Variants in FRMPD4 observed in about 807,000 individuals in gnomAD.
The protein encoded by FRMPD4 is FERM and PDZ domain containing 4.
A neutral mutation model predicts 94.1 loss-of-function variants in FRMPD4; 22 were observed. That is an observed-to-expected ratio of 0.23 (90% CI 0.17 to 0.33). The LOEUF (loss-of-function observed/expected upper bound fraction) is 0.33, where lower values mean the gene tolerates loss of function less well. Ranked by LOEUF, FRMPD4 falls within the 10% of genes least tolerant of loss-of-function variation. FRMPD4 has a pLI of 1.00. For missense variants in FRMPD4, 1,111 were observed against 1,339.9 expected, an observed-to-expected ratio of 0.83 and a Z score of 2.67; for synonymous variants, 631 against 548.6, an observed-to-expected ratio of 1.15 and a Z score of -2.10.
chrX:12,326,314 A>G (rs906906906), intron 1 of FRMPD4, among the ~76,000 whole-genome samples: 4 of 112,045 alleles, frequency 3.6e-5, no homozygotes, highest in African/African-American at 9.7e-5. Context: ...GAGAGACTCA[A>G]TGATGGGCCA....
At chrX:12,043,563 A>G (rs989339913) in intron 3 of FRMPD4, among the ~76,000 whole-genome samples, 2 of 111,552 alleles carry the variant, frequency 1.8e-5, no homozygotes, top group African/African-American at 6.5e-5. Flanking sequence ...TCTCTCATCC[A>G]GTGGTCCCCA....
At chrX:12,587,194 C>G (rs1233710751) in intron 2 of FRMPD4, among the ~76,000 whole-genome samples, 7 of 110,923 alleles carry the variant, frequency 6.3e-5, no homozygotes. Context: ...CCAGGCTGGT[C>G]TCGAACTCCT....
chrX:12,062,125 C>T (rs1473676611), intron 3 of FRMPD4, among the ~76,000 whole-genome samples: 1 of 111,892 alleles, frequency 8.9e-6, no homozygotes, highest in Non-Finnish European at 1.9e-5. Context: ...CCCTGAGCTC[C>T]ACTGTGATTC....
chrX:12,640,339 G>A (rs1247732597), intron 4 of FRMPD4, among the ~76,000 whole-genome samples: 1 of 105,667 alleles, frequency 9.5e-6, no homozygotes, highest in Non-Finnish European at 1.9e-5. Flanking sequence ...AAGGAGAGAA[G>A]GGGGAAGGAG....
At chrX:12,100,242 C>T (rs967100348) in intron 3 of FRMPD4, among the ~76,000 whole-genome samples, 3 of 111,945 alleles carry the variant, frequency 2.7e-5, no homozygotes, top group Admixed American at 9.5e-5. Context: ...CCTTTCTAGA[C>T]CCAACAAATT....
chrX:12,356,760 T>TA (rs2055901375), intron 1 of FRMPD4, among the ~76,000 whole-genome samples: 3 of 112,135 alleles, frequency 2.7e-5, no homozygotes, highest in African/African-American at 9.7e-5. Flanking sequence ...ATTGTGCTAT[T>TA]AAAAAAAGCA....
chrX:12,230,974 TA>T (rs1455604448), intron 1 of FRMPD4, among the ~76,000 whole-genome samples: 1 of 52,217 alleles, frequency 1.9e-5, no homozygotes, highest in African/African-American at 6.9e-5. Context: ...AAATATATAG[TA>T]ATATATATAG....
chrX:12,215,076 A>T (rs2056792865), intron 1 of FRMPD4, among the ~76,000 whole-genome samples: 1 of 112,146 alleles, frequency 8.9e-6, no homozygotes, highest in South Asian at 3.8e-4. Context: ...GTTGAACAAT[A>T]TAAAATTGTG....
At chrX:12,684,659 A>G (rs1372037567) in intron 6 of FRMPD4, among the ~76,000 whole-genome samples, 1 of 112,407 alleles carries the variant, frequency 8.9e-6, no homozygotes, top group Non-Finnish European at 1.9e-5. Context: ...AGACTGTCCC[A>G]GCTGAAGGGT....
At chrX:12,611,485 C>CA (rs10627740) in intron 3 of FRMPD4, among the ~76,000 whole-genome samples, 1 of 110,227 alleles carries the variant, frequency 9.1e-6, no homozygotes, top group Non-Finnish European at 1.9e-5. Context: ...AGAGTAGTAT[C>CA]TACCTTGTAG....
rs1383892539 is a variant in FRMPD4, at chrX:12,716,736, C to T, written c.2277C>T (p.Asp759=). The T allele has an allele frequency of 8.3e-7, 1 of 1,211,521 alleles. No individual in the cohort carries two copies. The highest frequency in any genetic ancestry group is 1.7e-5 in the African/African-American group (1 of 57,802). The change falls in exon 15 of 17, where the codon GAC becomes GAT. Residue 759 remains aspartate, a synonymous_variant. Coordinates refer to ENST00000675598, the MANE Select transcript of FRMPD4 (RefSeq NM_001368397.1). ...AGGACGAGGTGAGCTGCGAGGAGGA[C>T]CTCGTGGTGGGGGAGATGAACCAGC... is the stretch of plus-strand genomic sequence containing the variant. ...EDEDEVSCEE[D]LVVGEMNQPA...
At chrX:12,668,851 C>T (rs1010987966) in intron 4 of FRMPD4, among the ~76,000 whole-genome samples, 1 of 110,864 alleles carries the variant, frequency 9.0e-6, no homozygotes, top group East Asian at 2.8e-4. Flanking sequence ...GTGATCCACC[C>T]GCCTCGGCCT....
chrX:12,170,718 G>A (rs1198404925), intron 1 of FRMPD4, among the ~76,000 whole-genome samples: 4 of 69,755 alleles, frequency 5.7e-5, no homozygotes, highest in African/African-American at 1.5e-4. Flanking sequence ...GGCAACTCCC[G>A]CGACTCCAGC....
intron 1 of FRMPD4, among the ~76,000 whole-genome samples, chrX:12,251,330 T>C (rs1569206701): frequency 8.9e-6 from 1 of 112,093 alleles, no homozygotes; most frequent in Non-Finnish European, 1.9e-5. Flanking sequence ...TTCTTGGTGA[T>C]TCCCCTTGAC....
chrX:12,234,517 G>A (rs186699117), intron 1 of FRMPD4, among the ~76,000 whole-genome samples: 13 of 111,315 alleles, frequency 1.2e-4, no homozygotes, highest in Non-Finnish European at 1.7e-4. Context: ...GGCTTGAGCA[G>A]AGAGGTGCAC....
intron 3 of FRMPD4, among the ~76,000 whole-genome samples, chrX:11,954,544 C>T (rs930767805): frequency 9.0e-6 from 1 of 111,217 alleles, no homozygotes; most frequent in Non-Finnish European, 1.9e-5. Flanking sequence ...TTAATTAAAG[C>T]AAAGCAACTA....
intron 4 of FRMPD4, among the ~76,000 whole-genome samples, chrX:12,618,533 G>A (rs978173071): frequency 1.8e-5 from 2 of 111,407 alleles, no homozygotes; most frequent in Non-Finnish European, 1.9e-5. Context: ...AGCCATCAAC[G>A]CGAAGTGGAA....
intron 3 of FRMPD4, among the ~76,000 whole-genome samples, chrX:11,964,584 A>C (rs1273453141): frequency 8.9e-6 from 1 of 112,143 alleles, no homozygotes; most frequent in Non-Finnish European, 1.9e-5. Flanking sequence ...ACAGTCTTAC[A>C]AATCTCTAGA....
intron 1 of FRMPD4, among the ~76,000 whole-genome samples, chrX:12,306,392 A>G (rs1434258443): frequency 8.9e-6 from 1 of 112,233 alleles, no homozygotes; most frequent in Admixed American, 9.4e-5. Flanking sequence ...AGGACCTTGC[A>G]GTGACGAGCA....
Sources: allele counts gnomAD v4.1 joint callset (sites outside exome capture counted in the v4.1 genomes callset), GRCh38; gene constraint gnomAD v4.1.1; transcripts MANE v1.5; gene names NCBI Gene and HGNC (gene_info 2026-07-23, HGNC 2026-07-21).